Variants in FARP1 observed in about 807,000 individuals in gnomAD.
FARP1 encodes FERM, ARHGEF and pleckstrin domain-containing protein 1.
In FARP1, 52 loss-of-function variants were observed where a neutral mutation model predicts 128.8. The ratio of observed to expected loss-of-function variants is 0.40; its 90% CI spans 0.32 to 0.51. The LOEUF (loss-of-function observed/expected upper bound fraction) is 0.51, where lower values mean the gene tolerates loss of function less well. Ranked by LOEUF, FARP1 falls within the 20% of genes least tolerant of loss-of-function variation. The pLI, the probability that FARP1 is intolerant of heterozygous loss-of-function variation, is 0.45. For synonymous variants in FARP1, 580 were observed against 551.8 expected (o/e 1.05, Z -0.72); for missense variants, 1,333 against 1,367.9 (o/e 0.97, Z 0.40).
chr13:98,181,627 T>TGAGAGAGAGAGAGAG (rs1410176235), intron 1 of FARP1, among the ~76,000 whole-genome samples: 10 of 104,244 alleles, frequency 9.6e-5, no homozygotes, highest in African/African-American at 3.8e-4. Flanking sequence ...TTTATTTATT[T>TGAGAGAGAGAGAGAG]ATTTATTTAT....
At chr13:98,409,230 C>T (rs549814041) in intron 13 of FARP1, 108 bp from the exon 14 acceptor site, 31 of 840,536 alleles carry the variant, frequency 3.7e-5, no homozygotes, top group South Asian at 4.0e-5. Flanking sequence ...TTTGCCATGG[C>T]GGGGTAGTCA....
intron 17 of FARP1, 102 bp from the exon 18 acceptor site, chr13:98,430,941 T>C: frequency 1.4e-6 from 1 of 695,624 alleles, no homozygotes; most frequent in Admixed American, 2.4e-5. Context: ...AATCGTGAAA[T>C]AGAGAGTGCA....
rs1268389455 is a variant in FARP1 at position 98,451,626 on chromosome 13, C to G, written c.*3309C>G. On this transcript the variant is annotated 3_prime_UTR_variant, in exon 27 of 27. Coordinates refer to ENST00000319562, the MANE Select transcript of FARP1 (RefSeq NM_005766.4). ...GCCACTAGACCAGCAGATAGCTGAG[C>G]TACATCCCCAAGCTCACCCACTAAC... 1.3e-5 allele frequency: 2 copies of G among 152,228 alleles called. No homozygotes were observed. Among genetic ancestry groups the G allele is most frequent in the Non-Finnish European group, 2.9e-5 (2 of 68,076 alleles). 9.4% of individuals were successfully genotyped at this position (152,228 alleles called of 1,614,324 possible).
intron 2 of FARP1, among the ~76,000 whole-genome samples, chr13:98,335,246 T>G (rs983570037): frequency 6.6e-6 from 1 of 152,180 alleles, no homozygotes; most frequent in Non-Finnish European, 1.5e-5. Flanking sequence ...AAGACATACT[T>G]GAGACTGGGA....
At chr13:98,267,052 C>G in intron 2 of FARP1, among the ~76,000 whole-genome samples, 1 of 147,992 alleles carries the variant, frequency 6.8e-6, no homozygotes, top group Admixed American at 6.8e-5. Context: ...TATACAAGTG[C>G]AGAGAAAGGG....
chr13:98,416,110 G>T (rs1272194321), intron 16 of FARP1, among the ~76,000 whole-genome samples: 1 of 152,216 alleles, frequency 6.6e-6, no homozygotes, highest in Non-Finnish European at 1.5e-5. Flanking sequence ...TAGTGTTTCT[G>T]TATGGTCTGC....
intron 16 of FARP1, among the ~76,000 whole-genome samples, chr13:98,417,747 G>T (rs756125435): frequency 1.3e-5 from 2 of 152,218 alleles, no homozygotes; most frequent in African/African-American, 4.8e-5. Flanking sequence ...TTGTGTTGCC[G>T]TGATGCTAGG....
At chr13:98,347,105 C>A (rs765351190) in intron 3 of FARP1, among the ~76,000 whole-genome samples, 53 of 152,172 alleles carry the variant, frequency 3.5e-4, no homozygotes, top group Admixed American at 1.1e-3. Flanking sequence ...TTGTGAGAAT[C>A]GTAAGCACCA....
intron 1 of FARP1, among the ~76,000 whole-genome samples, chr13:98,202,379 G>A (rs1347024468): frequency 6.6e-6 from 1 of 152,216 alleles, no homozygotes; most frequent in Non-Finnish European, 1.5e-5. Context: ...TCAACATGGG[G>A]CACAGAAGTG....
intron 5 of FARP1, among the ~76,000 whole-genome samples, chr13:98,373,525 G>GACAC (rs1889442710): frequency 1.0e-5 from 1 of 98,532 alleles, no homozygotes; most frequent in African/African-American, 4.6e-5. Flanking sequence ...TCCAGAGACA[G>GACAC]ACAGACAGAC....
At chr13:98,301,345 A>G (rs1885916359) in intron 2 of FARP1, among the ~76,000 whole-genome samples, 1 of 152,156 alleles carries the variant, frequency 6.6e-6, no homozygotes, top group Non-Finnish European at 1.5e-5. Flanking sequence ...GTAGGTGAAG[A>G]GGTGGAGAAG....
chr13:98,234,964 T>A (rs183462019), intron 2 of FARP1, among the ~76,000 whole-genome samples: 13 of 152,346 alleles, frequency 8.5e-5, no homozygotes, highest in African/African-American at 3.1e-4. Context: ...CATCTTTTAA[T>A]TCCAGTGATA....
intron 1 of FARP1, among the ~76,000 whole-genome samples, chr13:98,212,773 G>A (rs1307559841): frequency 6.6e-6 from 1 of 152,104 alleles, no homozygotes; most frequent in Admixed American, 6.5e-5. Context: ...TTATTAGCCC[G>A]AGCTCTGCAG....
At chr13:98,213,186 C>A in intron 1 of FARP1, 34 bp from the exon 2 acceptor site, 1 of 1,563,684 alleles carries the variant, frequency 6.4e-7, no homozygotes, top group Non-Finnish European at 8.7e-7. Flanking sequence ...GTCTCCTATT[C>A]TGATGTGTTT....
At chr13:98,414,362 G>T (rs4001099) in intron 16 of FARP1, among the ~76,000 whole-genome samples, 1 of 152,062 alleles carries the variant, frequency 6.6e-6, no homozygotes, top group Non-Finnish European at 1.5e-5. Context: ...CCAAATACAC[G>T]ACACTGGTCA....
chr13:98,354,047 A>G (rs1487090519), intron 3 of FARP1, among the ~76,000 whole-genome samples: 2 of 152,232 alleles, frequency 1.3e-5, no homozygotes, highest in Admixed American at 6.5e-5. Flanking sequence ...GATTGTAGAT[A>G]TTAAAGCTTC....
chr13:98,174,838 G>A (rs953561277), intron 1 of FARP1, among the ~76,000 whole-genome samples: 1 of 152,234 alleles, frequency 6.6e-6, no homozygotes, highest in East Asian at 1.9e-4. Context: ...GGAAACTGAG[G>A]CACAGAGAGG....
In FARP1 at chr13:98,176,819, C is replaced by A. The variant is rs201896846; in HGVS notation, c.-24+33327C>A. On this transcript the variant is annotated intron_variant, in intron 1 of 26. Transcript: ENST00000319562. This position sits in a 1 kb window ranked among gnomAD's most constrained non-coding sequence, Gnocchi z 6.2. The stretch of plus-strand genomic sequence containing the variant: ...CGGTAGATGTGGTCGTGCTCCCGAC[C>A]CCGCAGTGCCTCCTGGACCCGCTGG... The A allele has an allele frequency of 1.9e-6, 3 of 1,612,710 alleles. No individual in the cohort carries two copies. Among genetic ancestry groups the A allele is most frequent in the Non-Finnish European group, 2.5e-6 (3 of 1,179,958 alleles).
intron 3 of FARP1, among the ~76,000 whole-genome samples, chr13:98,358,330 A>C (rs1180082820): frequency 3.9e-5 from 6 of 152,046 alleles, no homozygotes; most frequent in Admixed American, 6.6e-5. Context: ...CACAGGGATC[A>C]CATTTTCATT....
Sources: gnomAD v4.1 joint callset for allele counts (sites outside exome capture counted in the v4.1 genomes callset) on GRCh38, gnomAD v4.1.1 for gene constraint, Gnocchi (gnomAD v3.1) non-coding constraint, MANE v1.5 for transcripts, NCBI Gene and HGNC (gene_info 2026-07-23, HGNC 2026-07-21) for gene names.